Variants in SYCP2L observed in about 807,000 individuals in gnomAD.
SYCP2L encodes the protein synaptonemal complex protein 2-like.
In SYCP2L, 98 loss-of-function variants were observed where a neutral mutation model predicts 125.8. The ratio of observed to expected loss-of-function variants is 0.78; its 90% CI spans 0.66 to 0.92. The LOEUF is 0.92. SYCP2L is among the 40% of genes least tolerant of loss of function. SYCP2L has a pLI of 0.00. For synonymous variants in SYCP2L, 317 were observed against 325.4 expected (o/e 0.97, Z 0.28); for missense variants, 842 against 936.4 (o/e 0.90, Z 1.32).
intron 23 of SYCP2L, among the ~76,000 whole-genome samples, chr6:10,946,483 C>A (rs1162342110): frequency 6.6e-6 from 1 of 151,912 alleles, no homozygotes; most frequent in Non-Finnish European, 1.5e-5. Flanking sequence ...ATTGGCCTAC[C>A]CCAACCACAT....
chr6:10,972,016 ATAT>A (rs1447363547), intron 29 of SYCP2L, among the ~76,000 whole-genome samples: 6 of 152,208 alleles, frequency 3.9e-5, no homozygotes, highest in Non-Finnish European at 8.8e-5. Flanking sequence ...TACTAAATAT[ATAT>A]TATTAGTTCA....
At chr6:10,947,812 C>T (rs1781342377) in intron 23 of SYCP2L, among the ~76,000 whole-genome samples, 1 of 151,998 alleles carries the variant, frequency 6.6e-6, no homozygotes, top group Non-Finnish European at 1.5e-5. Flanking sequence ...GCATCCTTGT[C>T]TTTTTTCTAA....
rs1781631287 is a variant in SYCP2L, at chr6:10,963,793, C to T, written c.2426C>T (p.Thr809Ile). The T allele has an allele frequency of 6.2e-7, 1 of 1,613,690 alleles. No homozygotes were observed. Among genetic ancestry groups the T allele is most frequent in the Non-Finnish European group, 8.5e-7 (1 of 1,179,832 alleles). Residue 809 changes from threonine (T) to isoleucine (I), a missense_variant, in exon 29 of 30, where the codon ACT becomes ATT. Physicochemically the swap from Thr to Ile is moderately conservative, Grantham distance 89 (BLOSUM62 -1). Transcript: ENST00000283141. ...CDLQVLRFNS[T>I]QTS Reference sequence around the variant, plus strand: ...CCAATTTCTTCCAGGTTCAATTCAACTCAGACTTCATAAGAAAGCCAAAGC... The same window carrying T: ...CCAATTTCTTCCAGGTTCAATTCAATTCAGACTTCATAAGAAAGCCAAAGC...
At chr6:10,892,748 A>G (rs1171357991) in intron 2 of SYCP2L, among the ~76,000 whole-genome samples, 1 of 152,220 alleles carries the variant, frequency 6.6e-6, no homozygotes, top group South Asian at 2.1e-4. Context: ...TAACATCTGC[A>G]GAACACTTAA....
intron 24 of SYCP2L, 23 bp downstream of exon 24, chr6:10,955,240 T>C: frequency 1.4e-6 from 2 of 1,477,932 alleles, no homozygotes; most frequent in East Asian, 2.3e-5. Flanking sequence ...ACCCAGCCAA[T>C]GGTTCAAGTA....
At chr6:10,939,591 CT>C (rs1234430442) in intron 21 of SYCP2L, among the ~76,000 whole-genome samples, 1 of 152,026 alleles carries the variant, frequency 6.6e-6, no homozygotes, top group Non-Finnish European at 1.5e-5. Context: ...GCCACTTAAT[CT>C]TTGAAAAGGG....
chr6:10,934,636 C>T (rs1250098378), intron 20 of SYCP2L, among the ~76,000 whole-genome samples: 1 of 152,200 alleles, frequency 6.6e-6, no homozygotes, highest in Non-Finnish European at 1.5e-5. Context: ...GTTGAGATCA[C>T]ACTACTGCAC....
chr6:10,898,994 G>A (rs1780331670), intron 6 of SYCP2L, 146 bp downstream of exon 6: 6 of 599,436 alleles, frequency 1.0e-5, no homozygotes, highest in Non-Finnish European at 1.8e-5. Flanking sequence ...TCATCATAGT[G>A]TCATTTGGAA....
At chr6:10,887,350 A>G (rs1440605824) in intron 1 of SYCP2L, among the ~76,000 whole-genome samples, 1 of 152,240 alleles carries the variant, frequency 6.6e-6, no homozygotes, top group Non-Finnish European at 1.5e-5. Flanking sequence ...CCCTAGCTAA[A>G]TAGCGCTCAG....
intron 20 of SYCP2L, among the ~76,000 whole-genome samples, chr6:10,931,869 G>A (rs1450951937): frequency 6.6e-6 from 1 of 151,836 alleles, no homozygotes; most frequent in Non-Finnish European, 1.5e-5. Context: ...GGAGGCTGAG[G>A]TGGGAGGATG....
In SYCP2L at chr6:10,958,827, A is replaced by C; in HGVS notation, c.2207A>C (p.Lys736Thr). The C allele has an allele frequency of 6.2e-7, 1 of 1,613,768 alleles. No homozygotes were observed. The highest frequency in any genetic ancestry group is 8.5e-7 in the Non-Finnish European group (1 of 1,179,918). ...KRPFNSENAK[K>T]APDCLIKLLN... ...CCGTTTAATTCAGAAAATGCAAAGA[A>C]AGCACCGGATTGCCTAATAAAACTT... Residue 736 changes from lysine to threonine, a missense_variant, in exon 26 of 30, where the codon AAA (lysine) becomes ACA (threonine). Transcript: ENST00000283141.
rs952284130 is a variant in SYCP2L, at chr6:10,912,026, C to T, written c.919-647C>T. On this transcript the variant is annotated intron_variant, in intron 12 of 29. Coordinates refer to ENST00000283141, the MANE Select transcript of SYCP2L (RefSeq NM_001040274.3). The surrounding 1 kb of genome is among the most constrained non-coding windows in gnomAD (Gnocchi z 4.1). Reference sequence around the variant, plus strand: ...ATGCCATTCTCCTGCCTCAGCCTCCCGAGTATACTTGTTGATACATGTCTA... The same window carrying T: ...ATGCCATTCTCCTGCCTCAGCCTCCTGAGTATACTTGTTGATACATGTCTA... Among the ~76,000 whole-genome samples the T allele has an allele frequency of 6.7e-6, 1 of 149,950 alleles. No homozygotes were observed. Among genetic ancestry groups the T allele is most frequent in the African/African-American group, 2.4e-5 (1 of 40,832 alleles).
intron 14 of SYCP2L, among the ~76,000 whole-genome samples, chr6:10,919,832 AT>A (rs1780761237): frequency 6.6e-6 from 1 of 151,998 alleles, no homozygotes; most frequent in Non-Finnish European, 1.5e-5. Context: ...CTGCTGAGTC[AT>A]GCAGGTTGTC....
intron 8 of SYCP2L, among the ~76,000 whole-genome samples, chr6:10,905,142 CA>C (rs34659978): frequency 0.3 from 16,126 of 54,198 alleles, 461 homozygotes; most frequent in East Asian, 0.4. Flanking sequence ...GACTTGGTCT[CA>C]AAAAAAAAAA....
At chr6:10,948,884 C>T (rs1030066892) in intron 23 of SYCP2L, among the ~76,000 whole-genome samples, 2 of 152,074 alleles carry the variant, frequency 1.3e-5, no homozygotes, top group African/African-American at 4.8e-5. Flanking sequence ...TACCCAAGTT[C>T]TCTATTTCTT....
intron 25 of SYCP2L, among the ~76,000 whole-genome samples, chr6:10,956,652 G>A (rs1331833041): frequency 1.3e-5 from 2 of 152,082 alleles, no homozygotes; most frequent in African/African-American, 4.8e-5. Flanking sequence ...AAGTAGAGAT[G>A]AGGTCTCACT....
rs563882597 is a variant in SYCP2L, at chr6:10,910,217, A to G, written c.872+17A>G. The G allele has an allele frequency of 4.3e-6, 7 of 1,610,124 alleles. No individual in the cohort carries two copies. The Admixed American group carries it at 8.3e-5, about 19-fold the overall frequency. ...CCAAAGAAGGTAAGTTGTGTCTCTG[A>G]GCATTATTGACTAGTTGTATTCTGA... On this transcript the variant is annotated intron_variant, in intron 11 of 29. Transcript: ENST00000283141.
At chr6:10,900,809 T>C (rs1780364056) in intron 6 of SYCP2L, among the ~76,000 whole-genome samples, 1 of 152,202 alleles carries the variant, frequency 6.6e-6, no homozygotes, top group Non-Finnish European at 1.5e-5. Context: ...GTCCCATCTA[T>C]AGCAACGACA....
chr6:10,912,771 G>A lies in SYCP2L; in HGVS notation c.1011+6G>A. ...TTTATATAGACAATGCTGAGGTAAT[G>A]ATGTTCGATTCTTGGTTAGAACTAA... On this transcript the variant is annotated splice_donor_region_variant and intron_variant, in intron 13 of 29. Transcript: ENST00000283141. This position sits in a 1 kb window ranked among gnomAD's most constrained non-coding sequence, Gnocchi z 4.1. 1.2e-6 allele frequency: 2 copies of A among 1,612,414 alleles called. No homozygotes were observed. The highest frequency in any genetic ancestry group is 1.7e-6 in the Non-Finnish European group (2 of 1,178,716).
Sources: gnomAD v4.1 joint callset for allele counts (sites outside exome capture counted in the v4.1 genomes callset) on GRCh38, gnomAD v4.1.1 for gene constraint, Gnocchi (gnomAD v3.1) non-coding constraint, MANE v1.5 for transcripts, NCBI Gene and HGNC (gene_info 2026-07-23, HGNC 2026-07-21) for gene names.